The following NR3C1 variants were observed in gnomAD, a reference collection of about 807,000 sequenced individuals.
NR3C1 encodes the protein glucocorticoid receptor.
NR3C1 carries 14 observed loss-of-function variants against 74.0 expected under a neutral mutation model. The observed-to-expected ratio is 0.19, with a 90% confidence interval of 0.12 to 0.30. The LOEUF (loss-of-function observed/expected upper bound fraction) is 0.30. Among genes scored for constraint, NR3C1 ranks in the 10% least tolerant of loss-of-function variants. The probability of loss-of-function intolerance (pLI) is 1.00; values close to 1 mark genes in which losing one functional copy is unlikely to be tolerated. For missense variants in NR3C1, 695 were observed against 909.8 expected, an observed-to-expected ratio of 0.76 and a Z score of 3.04; for synonymous variants, 308 against 332.5, an observed-to-expected ratio of 0.93 and a Z score of 0.80.
intron 2 of NR3C1, among the ~76,000 whole-genome samples, chr5:143,345,563 C>T (rs1200655095): frequency 6.6e-6 from 1 of 152,186 alleles, no homozygotes; most frequent in African/African-American, 2.4e-5. Context: ...CATTCAAATG[C>T]ATGACAATAA....
intron 2 of NR3C1, among the ~76,000 whole-genome samples, chr5:143,378,890 C>T (rs1835695545): frequency 6.6e-6 from 1 of 152,066 alleles, no homozygotes. Flanking sequence ...GTGATAATTG[C>T]CACATATAGT....
intron 3 of NR3C1, among the ~76,000 whole-genome samples, chr5:143,311,941 G>A (rs1029542272): frequency 1.7e-5 from 2 of 115,662 alleles, no homozygotes; most frequent in South Asian, 5.9e-4. Context: ...CATTTTCCTT[G>A]AGCCACAGTG....
chr5:143,341,926 A>G (rs1828302451), intron 2 of NR3C1, among the ~76,000 whole-genome samples: 1 of 152,138 alleles, frequency 6.6e-6, no homozygotes, highest in South Asian at 2.1e-4. Context: ...GGAGGGGCAA[A>G]ATGAATGTCT....
chr5:143,320,434 C>T (rs920120453), intron 2 of NR3C1, among the ~76,000 whole-genome samples: 2 of 152,146 alleles, frequency 1.3e-5, no homozygotes, highest in South Asian at 2.1e-4. Context: ...GCAACAAAAC[C>T]TATACATTAA....
At chr5:143,433,290 G>A (rs1430794456) in intron 1 of NR3C1, among the ~76,000 whole-genome samples, 1 of 146,466 alleles carries the variant, frequency 6.8e-6, no homozygotes, top group Non-Finnish European at 1.5e-5. Flanking sequence ...GCTAGGCAGA[G>A]AAGAAATGAC....
intron 2 of NR3C1, among the ~76,000 whole-genome samples, chr5:143,318,079 T>C (rs1179632602): frequency 6.6e-6 from 1 of 152,066 alleles, no homozygotes; most frequent in African/African-American, 2.4e-5. Flanking sequence ...GGATTATATA[T>C]ATTAGAGTTA....
rs576258997 is a variant in NR3C1 at position 143,302,911 on chromosome 5, G to A, written c.1469-2148C>T. Among the ~76,000 whole-genome samples, 11 of 152,164 alleles carry A rather than the reference G, an allele frequency of 7.2e-5. No homozygotes were observed. In the South Asian group the frequency reaches 2.3e-3, roughly 32 times the overall value. ...CAGTCAATACAGGAGCTCCACAGAA[G>A]TGTTCATGAGTCTGTGGTAACACTA... is the stretch of plus-strand genomic sequence containing the variant. On this transcript the variant is annotated intron_variant, in intron 4 of 8. Transcript: ENST00000394464.
At chr5:143,335,716 T>C (rs954403130) in intron 2 of NR3C1, among the ~76,000 whole-genome samples, 1 of 152,256 alleles carries the variant, frequency 6.6e-6, no homozygotes, top group African/African-American at 2.4e-5. Context: ...TCAATAGATA[T>C]TTTACATGAT....
At chr5:143,415,459 C>T (rs1841446103) in intron 1 of NR3C1, among the ~76,000 whole-genome samples, 1 of 152,082 alleles carries the variant, frequency 6.6e-6, no homozygotes, top group African/African-American at 2.4e-5. Context: ...ATGTGATTAA[C>T]TATAATTTAT....
chr5:143,402,651 C>T (rs1840524597), intron 1 of NR3C1: 7 of 985,430 alleles, frequency 7.1e-6, no homozygotes, highest in African/African-American at 1.7e-5. Flanking sequence ...TAACGCCGGC[C>T]CCGGCCGCAG....
At chr5:143,363,484 C>A (rs537103945) in intron 2 of NR3C1, among the ~76,000 whole-genome samples, 4 of 152,180 alleles carry the variant, frequency 2.6e-5, no homozygotes, top group African/African-American at 9.6e-5. Flanking sequence ...GACTTAAAAT[C>A]ATTGCGTGAA....
At chr5:143,432,766 A>G (rs942834294) in intron 1 of NR3C1, among the ~76,000 whole-genome samples, 3 of 152,158 alleles carry the variant, frequency 2.0e-5, no homozygotes, top group Admixed American at 2.0e-4. Flanking sequence ...TATGAGGTGT[A>G]AGAAAAACCA....
chr5:143,408,121 G>A (rs887804710), upstream of NR3C1, among the ~76,000 whole-genome samples: 1 of 152,068 alleles, frequency 6.6e-6, no homozygotes, highest in African/African-American at 2.4e-5. Flanking sequence ...GCTTTTATGA[G>A]CCCACTGACT....
chr5:143,304,608 C>T (rs2151575853), intron 4 of NR3C1, among the ~76,000 whole-genome samples: 1 of 152,164 alleles, frequency 6.6e-6, no homozygotes, highest in Admixed American at 6.5e-5. Flanking sequence ...CAAAGCAATC[C>T]TAAGCAAAAA....
At chr5:143,350,806 A>G (rs1195758283) in intron 2 of NR3C1, among the ~76,000 whole-genome samples, 1 of 152,188 alleles carries the variant, frequency 6.6e-6, no homozygotes, top group Non-Finnish European at 1.5e-5. Flanking sequence ...GAAGGAGGAA[A>G]ACTAGAAACA....
At chr5:143,297,075 C>CA (rs766243522) in intron 6 of NR3C1, among the ~76,000 whole-genome samples, 12,330 of 59,984 alleles carry the variant, frequency 0.21, 938 homozygotes, top group Non-Finnish European at 0.23. Flanking sequence ...AGACTCGTCT[C>CA]AAAAAAAAAA....
intron 1 of NR3C1, among the ~76,000 whole-genome samples, chr5:143,421,161 G>T (rs183957360): frequency 2.6e-5 from 4 of 152,204 alleles, no homozygotes; most frequent in Admixed American, 2.0e-4. Context: ...GGATACAAAT[G>T]GCTAGCTACC....
intron 2 of NR3C1, among the ~76,000 whole-genome samples, chr5:143,387,526 T>G (rs1837463045): frequency 6.6e-6 from 1 of 152,218 alleles, no homozygotes; most frequent in South Asian, 2.1e-4. Flanking sequence ...ATTCATTTAT[T>G]TTGTGGCTGC....
chr5:143,296,837 G>A (rs1199433223), intron 6 of NR3C1, among the ~76,000 whole-genome samples: 1 of 152,084 alleles, frequency 6.6e-6, no homozygotes, highest in Non-Finnish European at 1.5e-5. Flanking sequence ...AGCACTTTGG[G>A]AGGCCAAAGT....
Sources: gnomAD v4.1 joint callset for allele counts (sites outside exome capture counted in the v4.1 genomes callset) on GRCh38, gnomAD v4.1.1 for gene constraint, MANE v1.5 for transcripts, NCBI Gene and HGNC (gene_info 2026-07-23, HGNC 2026-07-21) for gene names.